FANCC: variants seen among roughly 807,000 people sequenced by gnomAD.
FANCC encodes FA complementation group C.
FANCC carries 55 observed loss-of-function variants against 71.3 expected under a neutral mutation model. That is an observed-to-expected ratio of 0.77 (90% CI 0.62 to 0.97). FANCC has a LOEUF of 0.97. FANCC is among the 50% of genes least tolerant of loss of function. The pLI is 0.00. For missense variants in FANCC, 678 were observed against 670.9 expected, an observed-to-expected ratio of 1.01 and a Z score of -0.12; for synonymous variants, 275 against 244.9, an observed-to-expected ratio of 1.12 and a Z score of -1.15.
chr9:95,296,010 CA>C (rs1402981939), intron 1 of FANCC, among the ~76,000 whole-genome samples: 1 of 151,992 alleles, frequency 6.6e-6, no homozygotes. Flanking sequence ...ACAAAACAGG[CA>C]GGGGGAACTT....
At chr9:95,183,085 C>T (rs1007820763) in intron 4 of FANCC, among the ~76,000 whole-genome samples, 3 of 152,140 alleles carry the variant, frequency 2.0e-5, no homozygotes, top group Non-Finnish European at 2.9e-5. Flanking sequence ...ATTCACCCAG[C>T]CCCTTCCCAC....
chr9:95,286,578 C>T (rs1199361377), intron 1 of FANCC, among the ~76,000 whole-genome samples: 1 of 152,154 alleles, frequency 6.6e-6, no homozygotes, highest in Non-Finnish European at 1.5e-5. Context: ...CTGGAAAACA[C>T]ACAACTGAGT....
intron 4 of FANCC, among the ~76,000 whole-genome samples, chr9:95,179,365 A>G (rs1400224854): frequency 6.6e-6 from 1 of 152,210 alleles, no homozygotes; most frequent in African/African-American, 2.4e-5. Flanking sequence ...ATGCACATTA[A>G]TGATTGTTAC....
rs552982018 is a variant in FANCC at position 95,153,363 on chromosome 9, A to G, written c.522-3276T>C. 2.0e-5 allele frequency among the ~76,000 whole-genome samples: 3 copies of G among 152,282 alleles called. No homozygotes were observed. The East Asian group carries it at 5.8e-4, about 29-fold the overall frequency. ...AAGACATCTTTTCCTTTGGGTAGAT[A>G]GCCAGTAGTGTAATTGCTGGATCAA... On this transcript the variant is annotated intron_variant, in intron 6 of 14. Transcript: ENST00000289081.
At chr9:95,121,501 A>G (rs2072875538) in intron 10 of FANCC, among the ~76,000 whole-genome samples, 1 of 152,230 alleles carries the variant, frequency 6.6e-6, no homozygotes, top group Non-Finnish European at 1.5e-5. Flanking sequence ...TTTGTATTCC[A>G]AATACACTTC....
chr9:95,248,859 T>C (rs1831157101), intron 2 of FANCC, among the ~76,000 whole-genome samples: 1 of 152,190 alleles, frequency 6.6e-6, no homozygotes, highest in Non-Finnish European at 1.5e-5. Context: ...CATTTACTAC[T>C]TGACAACAAG....
Position 95,150,080 on chromosome 9 carries a change from G to C in FANCC, c.529C>G (p.Pro177Ala), listed in dbSNP as rs773272931. The change falls in exon 7 of 15, where the codon CCC (proline) becomes GCC (alanine). Residue 177 changes from proline to alanine, a missense_variant. Pro to Ala is a conservative substitution (Grantham distance 27). Transcript: ENST00000289081. ...CGTGACAGGGACGCCACTCGCTCGG[G>C]AGCCATTCTATGGAAGAAATAAGAA... The part of the protein sequence containing the change: ...NGFNTQRRMA[P>A]ERVASLSRVC... 1 of 1,614,080 alleles carries C rather than the reference G, an allele frequency of 6.2e-7. No individual in the cohort carries two copies. Among genetic ancestry groups the C allele is most frequent in the African/African-American group, 1.3e-5 (1 of 75,006 alleles).
chr9:95,129,122 C>T (rs774705860), intron 8 of FANCC, among the ~76,000 whole-genome samples: 16 of 151,924 alleles, frequency 1.1e-4, no homozygotes, highest in East Asian at 9.7e-4. Context: ...AGGATGGTCT[C>T]GATCTCCTGA....
chr9:95,305,364 G>A (rs751925609), intron 1 of FANCC, among the ~76,000 whole-genome samples: 3 of 152,146 alleles, frequency 2.0e-5, no homozygotes, highest in Non-Finnish European at 4.4e-5. Context: ...TACCTCACCA[G>A]ATGTCCCACT....
chr9:95,167,505 T>C (rs1175711221), intron 6 of FANCC, among the ~76,000 whole-genome samples: 3 of 152,198 alleles, frequency 2.0e-5, no homozygotes, highest in Non-Finnish European at 4.4e-5. Context: ...CATTCTTTTT[T>C]CTTTTTGTTT....
In FANCC at chr9:95,101,238, A is replaced by C. The variant is rs1395732556; in HGVS notation, c.*469T>G. On this transcript the variant is annotated 3_prime_UTR_variant, in exon 15 of 15. Coordinates refer to ENST00000289081, the MANE Select transcript of FANCC (RefSeq NM_000136.3). Reference sequence around the variant, plus strand: ...CCTTGAAGAATTTCTCCATACAGCAAGACAGTGTGGCTTTATCCCAGATCC... The same window carrying C: ...CCTTGAAGAATTTCTCCATACAGCACGACAGTGTGGCTTTATCCCAGATCC... The C allele has an allele frequency of 3.5e-6, 1 of 283,628 alleles. No individual in the cohort carries two copies. Among genetic ancestry groups the C allele is most frequent in the Non-Finnish European group, 6.8e-6 (1 of 147,738 alleles). The allele number at this position is 283,628 out of a possible 1,614,324, so 17.6% of individuals were successfully genotyped here.
intron 4 of FANCC, among the ~76,000 whole-genome samples, chr9:95,191,071 G>C (rs1188301371): frequency 1.3e-5 from 2 of 152,066 alleles, no homozygotes; most frequent in Non-Finnish European, 2.9e-5. Flanking sequence ...CTCCAGTCTT[G>C]AGGTGTCAGG....
chr9:95,220,574 T>C (rs945545681), intron 4 of FANCC, among the ~76,000 whole-genome samples: 2 of 152,134 alleles, frequency 1.3e-5, no homozygotes, highest in South Asian at 2.1e-4. Flanking sequence ...TGTAGGGACA[T>C]GGATGAAGCT....
chr9:95,273,814 C>T (rs1401973789), intron 1 of FANCC, among the ~76,000 whole-genome samples: 1 of 152,124 alleles, frequency 6.6e-6, no homozygotes, highest in African/African-American at 2.4e-5. Context: ...GTTGCTCATC[C>T]CACAAAGATT....
intron 3 of FANCC, among the ~76,000 whole-genome samples, chr9:95,244,047 G>A (rs1164036758): frequency 6.6e-6 from 1 of 152,182 alleles, no homozygotes; most frequent in Non-Finnish European, 1.5e-5. Context: ...GTTGTCAGAG[G>A]GGCCAAGGTA....
chr9:95,233,120 C>T lies in FANCC; in HGVS notation c.345+7529G>A, dbSNP rs145446138. ...GAAATTCAGGGTACTATTAAGAAGG[C>T]GGGAAAGGAGGGGAGATGGATACTG... On this transcript the variant is annotated intron_variant, in intron 4 of 14. Transcript: ENST00000289081. 3.6e-4 allele frequency among the ~76,000 whole-genome samples: 55 copies of T among 151,402 alleles called. 1 individual carries two copies. In the East Asian group the frequency reaches 9.7e-3, roughly 27 times the overall value.
chr9:95,249,125 AC>A lies in FANCC; in HGVS notation c.165+1del, dbSNP rs1554858249. The A allele has an allele frequency of 5.6e-6, 9 of 1,613,762 alleles. No individual in the cohort carries two copies. Among genetic ancestry groups the A allele is most frequent in the Non-Finnish European group, 7.6e-6 (9 of 1,179,832 alleles). On this transcript the variant is annotated splice_donor_variant, in intron 2 of 14. Coordinates refer to ENST00000289081, the MANE Select transcript of FANCC (RefSeq NM_000136.3). LOFTEE classifies it high-confidence loss of function. ...ATTTCATTATTCTGGTCCACTACTT[AC>A]CATCTCTTTCAAGGCTTCATACATC...
chr9:95,249,431 C>G, intron 1 of FANCC, 62 bp from the exon 2 acceptor site: 1 of 792,866 alleles, frequency 1.3e-6, no homozygotes, highest in Non-Finnish European at 2.1e-6. Flanking sequence ...GCCTTCACGA[C>G]CCATTGATGG....
chr9:95,207,593 C>T, intron 4 of FANCC, among the ~76,000 whole-genome samples: 1 of 152,120 alleles, frequency 6.6e-6, no homozygotes, highest in East Asian at 1.9e-4. Context: ...GCCCATCTCC[C>T]TCCTAGACTG....
Sources: gnomAD v4.1 joint callset for allele counts (sites outside exome capture counted in the v4.1 genomes callset) on GRCh38, gnomAD v4.1.1 for gene constraint, MANE v1.5 for transcripts, NCBI Gene and HGNC (gene_info 2026-07-23, HGNC 2026-07-21) for gene names.